The following SCUBE1 variants were observed in gnomAD, a reference collection of about 807,000 sequenced individuals.
SCUBE1 encodes the protein signal peptide, CUB domain and EGF like domain containing 1.
SCUBE1 carries 59 observed loss-of-function variants against 124.4 expected under a neutral mutation model. The ratio of observed to expected loss-of-function variants is 0.47; its 90% CI spans 0.38 to 0.59. SCUBE1 has a LOEUF of 0.59. Ranked by LOEUF, SCUBE1 falls within the 20% of genes least tolerant of loss-of-function variation. The pLI is 0.00. For synonymous variants in SCUBE1, 545 were observed against 550.9 expected (o/e 0.99, Z 0.15); for missense variants, 1,150 against 1,371.2 (o/e 0.84, Z 2.55).
At chr22:43,232,969 G>A (rs1922615256) in intron 7 of SCUBE1, among the ~76,000 whole-genome samples, 1 of 152,142 alleles carries the variant, frequency 6.6e-6, no homozygotes. Context: ...CCTGGGTCCC[G>A]ACCTCCAGGC....
intron 3 of SCUBE1, among the ~76,000 whole-genome samples, chr22:43,297,900 G>A (rs1348256178): frequency 6.6e-6 from 1 of 152,206 alleles, no homozygotes; most frequent in Non-Finnish European, 1.5e-5. Flanking sequence ...AGAGCCTACT[G>A]TGTGTCAGGC....
At chr22:43,324,425 T>A (rs1926656246) in intron 2 of SCUBE1, among the ~76,000 whole-genome samples, 1 of 152,132 alleles carries the variant, frequency 6.6e-6, no homozygotes, top group Non-Finnish European at 1.5e-5. Flanking sequence ...AACAACCAGT[T>A]CCTCTCCAAT....
chr22:43,267,024 A>G (rs1285587000), intron 4 of SCUBE1, among the ~76,000 whole-genome samples: 1 of 152,200 alleles, frequency 6.6e-6, no homozygotes, highest in Non-Finnish European at 1.5e-5. Context: ...GTTGCTGGGA[A>G]GCTGAAACGA....
In SCUBE1 at chr22:43,280,394, C is replaced by G. The variant is rs1406402704; in HGVS notation, c.484+10652G>C. On this transcript the variant is annotated intron_variant, in intron 4 of 21. Transcript: ENST00000360835. ...TCTCTCACCGTCCCCTCACCCATCCCCCGTCCCTTCCCCTCACCCATCCTC... is the reference window on the plus strand; with the variant it reads ...TCTCTCACCGTCCCCTCACCCATCCGCCGTCCCTTCCCCTCACCCATCCTC... Among the ~76,000 whole-genome samples the G allele has an allele frequency of 4.3e-3, 546 of 125,714 alleles. 2 individuals carry two copies. Among genetic ancestry groups the G allele is most frequent in the Middle Eastern group, 8.3e-3 (2 of 242 alleles). The allele number at this position is 125,714 out of a possible 152,430, so 82.5% of individuals were successfully genotyped here. A position where few individuals can be genotyped will look rare whatever the true frequency, so the allele number is the denominator to read the frequency against.
chr22:43,210,328 G>A lies in SCUBE1; in HGVS notation c.2384-88C>T, dbSNP rs986991790. On this transcript the variant is annotated intron_variant, in intron 18 of 21. Transcript: ENST00000360835. The surrounding 1 kb of genome is among the most constrained non-coding windows in gnomAD (Gnocchi z 4.5). Reference sequence around the variant, plus strand: ...GGCCTCTAACCACCTGGGAGGCCTAGGGCAGGGCTGGAAGGTGCTCTTGTC... The same window carrying A: ...GGCCTCTAACCACCTGGGAGGCCTAAGGCAGGGCTGGAAGGTGCTCTTGTC... The A allele has an allele frequency of 2.5e-6, 3 of 1,191,230 alleles. No individual in the cohort carries two copies. The highest frequency in any genetic ancestry group is 3.4e-6 in the Non-Finnish European group (3 of 882,582). 73.8% of individuals were successfully genotyped at this position (1,191,230 alleles called of 1,614,324 possible).
intron 15 of SCUBE1, among the ~76,000 whole-genome samples, chr22:43,217,956 G>C (rs191316634): frequency 7.2e-5 from 11 of 152,338 alleles, no homozygotes; most frequent in Non-Finnish European, 1.5e-4. Flanking sequence ...TCCCAGACTA[G>C]AGAGGGCCTG....
At chr22:43,313,804 GAAAGA>G (rs1199281844) in intron 3 of SCUBE1, among the ~76,000 whole-genome samples, 1 of 152,176 alleles carries the variant, frequency 6.6e-6, no homozygotes, top group African/African-American at 2.4e-5. Context: ...TCGCTTACTC[GAAAGA>G]AAAGAAAAGG....
intron 4 of SCUBE1, among the ~76,000 whole-genome samples, chr22:43,274,032 C>T (rs1409755286): frequency 1.3e-5 from 2 of 151,936 alleles, no homozygotes; most frequent in East Asian, 1.9e-4. Context: ...CTCGTTTCTT[C>T]CCCGTTCCTC....
chr22:43,274,471 C>T (rs1924418327), intron 4 of SCUBE1, among the ~76,000 whole-genome samples: 2 of 152,240 alleles, frequency 1.3e-5, no homozygotes, highest in Admixed American at 1.3e-4. Context: ...TCTAGTGCCA[C>T]CCTTAGCTCC....
chr22:43,321,185 C>G (rs1376743862), intron 2 of SCUBE1, among the ~76,000 whole-genome samples: 1 of 152,226 alleles, frequency 6.6e-6, no homozygotes, highest in African/African-American at 2.4e-5. Context: ...GGTCACTCCC[C>G]TATAGTGTAG....
intron 2 of SCUBE1, among the ~76,000 whole-genome samples, chr22:43,332,721 A>G (rs1926942751): frequency 1.3e-5 from 2 of 152,188 alleles, no homozygotes; most frequent in Admixed American, 6.5e-5. Context: ...CCTCATCTGT[A>G]GAACGCTCAG....
chr22:43,329,720 C>A (rs375315266), intron 2 of SCUBE1, among the ~76,000 whole-genome samples: 1 of 152,218 alleles, frequency 6.6e-6, no homozygotes, highest in African/African-American at 2.4e-5. Flanking sequence ...CATCTGGAAG[C>A]CTGTCTTGGA....
rs562418621 is a variant in SCUBE1 at position 43,205,179 on chromosome 22, G to A, written c.2815-1030C>T. ...TCACGATGCCTCTTCCCGGGGCTGC[G>A]AGGAAAATGATCTGCACTGGCGTGA... On this transcript the variant is annotated intron_variant, in intron 21 of 21. Transcript: ENST00000360835. Among the ~76,000 whole-genome samples, 27 of 152,248 alleles carry A rather than the reference G, an allele frequency of 1.8e-4. No homozygotes were observed. In the South Asian group the frequency reaches 4.8e-3, roughly 27 times the overall value.
intron 3 of SCUBE1, among the ~76,000 whole-genome samples, chr22:43,292,747 A>G (rs748126050): frequency 2.0e-5 from 3 of 152,244 alleles, no homozygotes; most frequent in Non-Finnish European, 2.9e-5. Flanking sequence ...GGTCCTATTT[A>G]GACTCATGGA....
chr22:43,206,827 G>A (rs946057587), intron 21 of SCUBE1, among the ~76,000 whole-genome samples: 2 of 152,176 alleles, frequency 1.3e-5, no homozygotes, highest in Non-Finnish European at 2.9e-5. Context: ...AGCCCAGGAC[G>A]CATCCCTGGT....
At chr22:43,269,123 G>A (rs767720421) in intron 4 of SCUBE1, among the ~76,000 whole-genome samples, 59 of 152,140 alleles carry the variant, frequency 3.9e-4, no homozygotes, top group Non-Finnish European at 2.6e-4. Flanking sequence ...GCAAGCAGAC[G>A]GAGGTTGGGA....
intron 14 of SCUBE1, among the ~76,000 whole-genome samples, chr22:43,218,803 C>T (rs145869309): frequency 8.6e-4 from 131 of 152,354 alleles, no homozygotes; most frequent in African/African-American, 2.9e-3. Context: ...GGATAGTGTC[C>T]AGCTCTCTGG....
chr22:43,281,672 T>C (rs1028066164), intron 4 of SCUBE1, among the ~76,000 whole-genome samples: 1 of 151,988 alleles, frequency 6.6e-6, no homozygotes, highest in Non-Finnish European at 1.5e-5. Context: ...TCAGCCATCC[T>C]GCCCTCTCCC....
intron 5 of SCUBE1, 32 bp downstream of exon 5, chr22:43,262,688 G>T (rs771507402): frequency 3.1e-6 from 5 of 1,609,098 alleles, no homozygotes; most frequent in Non-Finnish European, 4.3e-6. Context: ...AGACGCACGG[G>T]ACGTTTGACC....
Sources: gnomAD v4.1 joint callset for allele counts (sites outside exome capture counted in the v4.1 genomes callset) on GRCh38, gnomAD v4.1.1 for gene constraint, Gnocchi (gnomAD v3.1) non-coding constraint, MANE v1.5 for transcripts, NCBI Gene and HGNC (gene_info 2026-07-23, HGNC 2026-07-21) for gene names.